APBB1IP: variants seen among roughly 807,000 people sequenced by gnomAD.
APBB1IP encodes the protein amyloid beta A4 precursor protein-binding family B member 1-interacting protein.
APBB1IP carries 27 observed loss-of-function variants against 64.9 expected under a neutral mutation model. The observed-to-expected ratio is 0.42, with a 90% confidence interval of 0.31 to 0.57. The LOEUF (loss-of-function observed/expected upper bound fraction) is 0.57. APBB1IP is among the 20% of genes least tolerant of loss of function. The probability of loss-of-function intolerance (pLI) is 0.20; values close to 1 mark genes in which losing one functional copy is unlikely to be tolerated. For synonymous variants in APBB1IP, 392 were observed against 331.0 expected (o/e 1.18, Z -2.00); for missense variants, 812 against 845.5 (o/e 0.96, Z 0.49).
Position 26,507,062 on chromosome 10 carries a change from G to A in APBB1IP, c.531+3788G>A, listed in dbSNP as rs557115770. Reference sequence around the variant, plus strand: ...TCGGGGAGGTGGGGAAAAAAGGAAGGAACTGAGGACAGAGAGGCAGCTGGG... The same window carrying A: ...TCGGGGAGGTGGGGAAAAAAGGAAGAAACTGAGGACAGAGAGGCAGCTGGG... On this transcript the variant is annotated intron_variant, in intron 6 of 14. Transcript: ENST00000376236. 2.9e-4 allele frequency among the ~76,000 whole-genome samples: 44 copies of A among 152,262 alleles called. No homozygotes were observed. The South Asian group carries it at 6.0e-3, about 21-fold the overall frequency.
At chr10:26,489,754 A>T (rs1187377927) in intron 2 of APBB1IP, among the ~76,000 whole-genome samples, 1 of 152,194 alleles carries the variant, frequency 6.6e-6, no homozygotes, top group African/African-American at 2.4e-5. Context: ...GCTGGGTGTG[A>T]TGGCTCACGC....
intron 6 of APBB1IP, among the ~76,000 whole-genome samples, chr10:26,505,121 G>A (rs1836158392): frequency 6.6e-6 from 1 of 152,190 alleles, no homozygotes; most frequent in South Asian, 2.1e-4. Context: ...TTTCTGCTAA[G>A]AGTTGTGTGA....
At chr10:26,484,886 G>T (rs1457624788) in intron 2 of APBB1IP, among the ~76,000 whole-genome samples, 1 of 152,132 alleles carries the variant, frequency 6.6e-6, no homozygotes, top group Non-Finnish European at 1.5e-5. Flanking sequence ...AAATAATTAA[G>T]ATAGAAAACA....
chr10:26,494,796 G>A (rs1835999648), intron 3 of APBB1IP, among the ~76,000 whole-genome samples: 1 of 152,068 alleles, frequency 6.6e-6, no homozygotes, highest in South Asian at 2.1e-4. Context: ...TTGCACTCCA[G>A]CCTGGGCAAC....
intron 2 of APBB1IP, among the ~76,000 whole-genome samples, chr10:26,476,446 C>CAAAA (rs58548133): frequency 0.02 from 1,519 of 77,872 alleles, 57 homozygotes; most frequent in African/African-American, 0.063. Flanking sequence ...GACCCTGTCT[C>CAAAA]AAAAAAAAAA....
intron 14 of APBB1IP, 102 bp from the exon 15 acceptor site, chr10:26,566,859 C>T (rs1837051342): frequency 2.2e-6 from 3 of 1,335,172 alleles, no homozygotes; most frequent in African/African-American, 1.6e-5. Flanking sequence ...CTGCACTCAG[C>T]CTGGGCGACA....
intron 2 of APBB1IP, among the ~76,000 whole-genome samples, chr10:26,454,753 T>C (rs1487199089): frequency 2.0e-5 from 3 of 152,208 alleles, no homozygotes; most frequent in Admixed American, 6.5e-5. Context: ...GGATAAATGC[T>C]GGAGGGGACG....
At position 26,536,122 on chromosome 10, in the gene APBB1IP, C is replaced by T. The variant is rs756035654; in HGVS notation, c.949C>T (p.Leu317Phe). The change falls in exon 10 of 15, where the codon CTT becomes TTT. Residue 317 changes from leucine to phenylalanine, a missense_variant. Physicochemically the swap from Leu to Phe is conservative, Grantham distance 22 (BLOSUM62 0). This residue lies in a region of APBB1IP where 394 missense variants were observed against 413.1 expected (regional missense o/e 0.95). Transcript: ENST00000376236. ...CATTGTACCAGAACTGGAAGGAGCT[C>T]TTTATTTGAAAGAAGATGGAAAGAA... The part of the protein sequence containing the change: ...SIIVPELEGA[L>F]YLKEDGKKSW... The T allele has an allele frequency of 1.2e-6, 2 of 1,602,548 alleles. No individual in the cohort carries two copies. The highest frequency in any genetic ancestry group is 1.4e-5 in the African/African-American group (1 of 73,666).
At chr10:26,534,893 A>C (rs1836600830) in intron 9 of APBB1IP, among the ~76,000 whole-genome samples, 1 of 152,216 alleles carries the variant, frequency 6.6e-6, no homozygotes, top group South Asian at 2.1e-4. Flanking sequence ...TGAATTTAAG[A>C]GATTATTAAC....
chr10:26,512,106 A>C (rs1836268792), intron 7 of APBB1IP, among the ~76,000 whole-genome samples, 200 bp downstream of exon 7: 1 of 152,176 alleles, frequency 6.6e-6, no homozygotes, highest in African/African-American at 2.4e-5. Context: ...CTGTGATTAC[A>C]GGTGTGAGCC....
At chr10:26,505,751 G>GCACCCA (rs1836166973) in intron 6 of APBB1IP, among the ~76,000 whole-genome samples, 1 of 145,158 alleles carries the variant, frequency 6.9e-6, no homozygotes, top group Admixed American at 6.8e-5. Flanking sequence ...GCGTGCATCT[G>GCACCCA]TACCCATATA....
chr10:26,550,878 G>A (rs1046122405), intron 11 of APBB1IP, among the ~76,000 whole-genome samples: 7 of 152,078 alleles, frequency 4.6e-5, no homozygotes, highest in African/African-American at 1.7e-4. Flanking sequence ...TTTTTTAGTG[G>A]GCGTATGCAG....
intron 6 of APBB1IP, among the ~76,000 whole-genome samples, chr10:26,506,256 G>C (rs1017042140): frequency 1.4e-5 from 2 of 141,902 alleles, no homozygotes; most frequent in Non-Finnish European, 3.1e-5. Flanking sequence ...TGTGTGGGGG[G>C]GGGGGGTGGG....
chr10:26,483,038 C>T (rs535038756), intron 2 of APBB1IP, among the ~76,000 whole-genome samples: 1 of 137,570 alleles, frequency 7.3e-6, no homozygotes, highest in African/African-American at 2.8e-5. Flanking sequence ...TGCAGTGAGC[C>T]GAGATCACAC....
chr10:26,472,252 C>G (rs1410239385), intron 2 of APBB1IP, among the ~76,000 whole-genome samples: 2 of 152,194 alleles, frequency 1.3e-5, no homozygotes, highest in Non-Finnish European at 1.5e-5. Context: ...GAAGAGCAAG[C>G]TACACATTTT....
intron 7 of APBB1IP, among the ~76,000 whole-genome samples, chr10:26,512,689 C>A (rs1301589227): frequency 6.6e-6 from 1 of 152,092 alleles, no homozygotes; most frequent in East Asian, 1.9e-4. Context: ...TCACTGCAGC[C>A]TCGAGCTCCT....
intron 14 of APBB1IP, 74 bp downstream of exon 14, chr10:26,562,503 T>C (rs367850834): frequency 9.0e-6 from 12 of 1,330,474 alleles, no homozygotes; most frequent in South Asian, 2.4e-5. Context: ...ACTGCTCTTT[T>C]AAAAAGAGAA....
In APBB1IP at chr10:26,438,456, G is replaced by T. The variant is rs1835302562; in HGVS notation, c.-203+1G>T. Reference sequence around the variant, plus strand: ...TGAGAGAAGGGCGCGCGCGGCACAGGTAGGGGGAGGCGCAACGTTTCCCAG... The same window carrying T: ...TGAGAGAAGGGCGCGCGCGGCACAGTTAGGGGGAGGCGCAACGTTTCCCAG... On this transcript the variant is annotated splice_donor_variant, in intron 1 of 14. Coordinates refer to ENST00000376236, the MANE Select transcript of APBB1IP (RefSeq NM_019043.4). LOFTEE classifies it low-confidence loss of function (5UTR_SPLICE). 1.6e-5 allele frequency: 1 copy of T among 63,238 alleles called. No homozygotes were observed. The highest frequency in any genetic ancestry group is 3.4e-5 in the Non-Finnish European group (1 of 29,456). The allele number at this position is 63,238 out of a possible 1,614,324, so 3.9% of individuals were successfully genotyped here.
chr10:26,507,879 C>T (rs75797774), intron 6 of APBB1IP, among the ~76,000 whole-genome samples: 3,598 of 152,240 alleles, frequency 0.024, 115 homozygotes, highest in African/African-American at 0.074. Flanking sequence ...GAGGAGAGGG[C>T]AAGTATTTCC....
Sources: gnomAD v4.1 joint callset for allele counts (sites outside exome capture counted in the v4.1 genomes callset) on GRCh38, gnomAD v4.1.1 for gene constraint, gnomAD v4.1.1 regional missense constraint, MANE v1.5 for transcripts, NCBI Gene and HGNC (gene_info 2026-07-23, HGNC 2026-07-21) for gene names.